The following LRRC37A3 variants were observed in gnomAD, a reference collection of about 807,000 sequenced individuals.
The protein encoded by LRRC37A3 is leucine-rich repeat-containing protein 37A3.
In LRRC37A3, 25 loss-of-function variants were observed where a neutral mutation model predicts 106.2. The ratio of observed to expected loss-of-function variants is 0.24; its 90% confidence interval spans 0.17 to 0.33. LRRC37A3 has a LOEUF of 0.33. Ranked by LOEUF, LRRC37A3 falls within the 10% of genes least tolerant of loss-of-function variation. The pLI, the probability that LRRC37A3 is intolerant of heterozygous loss-of-function variation, is 1.00. For synonymous variants in LRRC37A3, 305 were observed against 635.8 expected, an observed-to-expected ratio of 0.48 and a Z score of 7.83; for missense variants, 712 against 1,644.9, an observed-to-expected ratio of 0.43 and a Z score of 9.81.
chr17:64,864,996 C>T (rs1399820616), intron 10 of LRRC37A3, among the ~76,000 whole-genome samples: 2 of 152,172 alleles, frequency 1.3e-5, no homozygotes, highest in Admixed American at 6.5e-5. Context: ...GTTGGCCTGA[C>T]ACATCTTTCA....
Position 64,859,497 on chromosome 17 carries a change from T to G in LRRC37A3, c.4649A>C (p.Asn1550Thr). ...GGCTTCTGTGCTCTCATTAATGTAG[T>G]TCTCAGTCTTCCATTGGTCCGTATC... ...EWDTDQWKTE[N>T]YINESTEAQS... Residue 1550 changes from asparagine to threonine, a missense_variant, in exon 12 of 15, where the codon AAC (asparagine) becomes ACC (threonine). Transcript: ENST00000584306. The G allele has an allele frequency of 6.2e-7, 1 of 1,611,896 alleles. No individual in the cohort carries two copies. Among genetic ancestry groups the G allele is most frequent in the Non-Finnish European group, 8.5e-7 (1 of 1,179,748 alleles).
At position 64,874,490 on chromosome 17, in the gene LRRC37A3, C is replaced by T. The variant is rs545302829; in HGVS notation, c.2907-5324G>A. Among the ~76,000 whole-genome samples the T allele has an allele frequency of 9.9e-5, 15 of 150,906 alleles. No individual in the cohort carries two copies. In the South Asian group the frequency reaches 2.9e-3, roughly 30 times the overall value. On this transcript the variant is annotated intron_variant, in intron 8 of 14. Coordinates refer to ENST00000584306, the MANE Select transcript of LRRC37A3 (RefSeq NM_199340.5). ...CGGGAGGGAGGTGGGGGCCAGCCCCCGCCCGGCCAGCCGCCCCGTCCGGGA... is the reference window on the plus strand; with the variant it reads ...CGGGAGGGAGGTGGGGGCCAGCCCCTGCCCGGCCAGCCGCCCCGTCCGGGA...
chr17:64,916,506 G>A (rs895179880), intron 2 of LRRC37A3, among the ~76,000 whole-genome samples: 1 of 151,502 alleles, frequency 6.6e-6, no homozygotes, highest in African/African-American at 2.4e-5. Flanking sequence ...GCCAGGCATG[G>A]TGGCTCATGC....
At chr17:64,899,782 G>C (rs1460431212) in intron 2 of LRRC37A3, 1 of 149,392 alleles carries the variant, frequency 6.7e-6, no homozygotes, top group African/African-American at 2.6e-5. Context: ...GGAGCGGGGG[G>C]AGACTAACCC....
chr17:64,878,512 A>G (rs535735798), intron 8 of LRRC37A3, among the ~76,000 whole-genome samples: 29 of 152,340 alleles, frequency 1.9e-4, no homozygotes, highest in Admixed American at 6.5e-4. Flanking sequence ...AATTTTTTAA[A>G]TGGGCAGAGG....
Position 64,857,341 on chromosome 17 carries a change from T to C in LRRC37A3, c.4809+1438A>G, listed in dbSNP as rs536283882. 4.6e-5 allele frequency among the ~76,000 whole-genome samples: 7 copies of C among 152,332 alleles called. No homozygotes were observed. The East Asian group carries it at 1.2e-3, about 25-fold the overall frequency. On this transcript the variant is annotated intron_variant, in intron 13 of 14. Transcript: ENST00000584306. ...TCTAACAAAAGATGTGTAAGATCTATATATGGAAACACTAAAGCTCTTCTG... is the reference window on the plus strand; with the variant it reads ...TCTAACAAAAGATGTGTAAGATCTACATATGGAAACACTAAAGCTCTTCTG...
chr17:64,880,668 A>G (rs1375353823), intron 8 of LRRC37A3, among the ~76,000 whole-genome samples: 1 of 152,218 alleles, frequency 6.6e-6, no homozygotes, highest in Non-Finnish European at 1.5e-5. Context: ...ATGCCTTATT[A>G]GATGAGGAAA....
In LRRC37A3 at chr17:64,897,294, A is replaced by G. The variant is rs3874801; in HGVS notation, c.-37T>C. On this transcript the variant is annotated 5_prime_UTR_variant, in exon 4 of 15. The change abolishes an upstream ATG in the 5' untranslated region. Coordinates refer to ENST00000584306, the MANE Select transcript of LRRC37A3 (RefSeq NM_199340.5). ...CGAGACGCTCGTGCCCCTTGTAAGCATGAGTCCCGCCCTGTCTTTATGACA... is the reference window on the plus strand; with the variant it reads ...CGAGACGCTCGTGCCCCTTGTAAGCGTGAGTCCCGCCCTGTCTTTATGACA... 0.17 allele frequency: 272,206 copies of G among 1,598,534 alleles called. 122 individuals are homozygous for G. The highest frequency in any genetic ancestry group is 0.2 in the Non-Finnish European group (231,615 of 1,172,948).
At chr17:64,863,406 A>T (rs935671315) in intron 10 of LRRC37A3, 3 of 231,812 alleles carry the variant, frequency 1.3e-5, no homozygotes, top group Non-Finnish European at 2.6e-5. Context: ...TGGGAGTGGG[A>T]AATATTATAA....
At chr17:64,863,394 G>T (rs948236032) in intron 10 of LRRC37A3, 1 of 242,096 alleles carries the variant, frequency 4.1e-6, no homozygotes, top group Non-Finnish European at 8.1e-6. Context: ...CTCAATTCCT[G>T]TTGGGAGTGG....
Position 64,880,756 on chromosome 17 carries a change from T to C in LRRC37A3, c.2906+5330A>G, listed in dbSNP as rs536874930. The stretch of plus-strand genomic sequence containing the variant: ...AGGTAGCTCACAAAATAAGGGAACA[T>C]TTCTTGCCTGTTTTTTTTTTTCCCC... On this transcript the variant is annotated intron_variant, in intron 8 of 14. Coordinates refer to ENST00000584306, the MANE Select transcript of LRRC37A3 (RefSeq NM_199340.5). 3.9e-4 allele frequency among the ~76,000 whole-genome samples: 60 copies of C among 152,084 alleles called. 3 individuals carry two copies. In the South Asian group the frequency reaches 9.3e-3, roughly 24 times the overall value.
intron 2 of LRRC37A3, among the ~76,000 whole-genome samples, chr17:64,916,246 A>C (rs553993500): frequency 1.3e-5 from 2 of 152,156 alleles, no homozygotes; most frequent in African/African-American, 4.8e-5. Context: ...TCTACTAAAA[A>C]TACAAAAAAT....
At chr17:64,914,953 A>G (rs1288944124) in intron 2 of LRRC37A3, among the ~76,000 whole-genome samples, 1 of 151,614 alleles carries the variant, frequency 6.6e-6, no homozygotes, top group Non-Finnish European at 1.5e-5. Flanking sequence ...GGAGATAGGC[A>G]GTAGAATGAT....
At chr17:64,871,016 C>T (rs1439495608) in intron 8 of LRRC37A3, among the ~76,000 whole-genome samples, 99 of 151,364 alleles carry the variant, frequency 6.5e-4, no homozygotes, top group Non-Finnish European at 1.2e-3. Flanking sequence ...ACTATAGGCA[C>T]GCACCACCAC....
chr17:64,860,312 A>G lies in LRRC37A3; in HGVS notation c.3834T>C (p.Ala1278=), dbSNP rs748591246. The change falls in exon 12 of 15, where the codon GCT becomes GCC. Residue 1278 remains alanine, a synonymous_variant. Transcript: ENST00000584306. The part of the protein sequence containing the change: ...VRDRWKDLTH[A]ISILESAKAR... ...CCTTTGCACTTTCTAAAATGGAAATAGCGTGGGTTAAGTCTTTCCATCTGT... is the reference window on the plus strand; with the variant it reads ...CCTTTGCACTTTCTAAAATGGAAATGGCGTGGGTTAAGTCTTTCCATCTGT... The G allele has an allele frequency of 3.1e-6, 5 of 1,613,992 alleles. No individual in the cohort carries two copies. The highest frequency in any genetic ancestry group is 4.2e-6 in the Non-Finnish European group (5 of 1,179,880).
chr17:64,869,599 G>T (rs1258724300), intron 8 of LRRC37A3, among the ~76,000 whole-genome samples: 2 of 141,856 alleles, frequency 1.4e-5, no homozygotes, highest in African/African-American at 5.6e-5. Flanking sequence ...GCAATGGCTC[G>T]ATCTTGGCTC....
At chr17:64,879,716 G>C (rs1424002001) in intron 8 of LRRC37A3, among the ~76,000 whole-genome samples, 9 of 152,186 alleles carry the variant, frequency 5.9e-5, no homozygotes, top group Admixed American at 1.3e-4. Context: ...TCTGTACAAA[G>C]TCGGCTACCC....
chr17:64,870,445 A>C (rs1254179675), intron 8 of LRRC37A3, among the ~76,000 whole-genome samples: 2 of 152,212 alleles, frequency 1.3e-5, no homozygotes, highest in Non-Finnish European at 2.9e-5. Flanking sequence ...TAAAAGAAAC[A>C]GGAAGAAATA....
intron 8 of LRRC37A3, among the ~76,000 whole-genome samples, chr17:64,870,765 G>A (rs180959611): frequency 8.5e-4 from 130 of 152,066 alleles, no homozygotes; most frequent in African/African-American, 2.8e-3. Flanking sequence ...TTTCATTTTC[G>A]TTCTTCATTC....
Sources: gnomAD v4.1 joint callset for allele counts (sites outside exome capture counted in the v4.1 genomes callset) on GRCh38, gnomAD v4.1.1 for gene constraint, MANE v1.5 for transcripts, NCBI Gene and HGNC (gene_info 2026-07-23, HGNC 2026-07-21) for gene names.